MTMR9: variants seen among roughly 807,000 people sequenced by gnomAD.
MTMR9 encodes the protein myotubularin-related protein 9.
A neutral mutation model predicts 69.5 loss-of-function variants in MTMR9; 39 were observed. The ratio of observed to expected loss-of-function variants is 0.56; its 90% CI spans 0.43 to 0.73. MTMR9 has a LOEUF of 0.73. MTMR9 is among the 30% of genes least tolerant of loss of function. The pLI, the probability that MTMR9 is intolerant of heterozygous loss-of-function variation, is 0.00. For missense variants in MTMR9, 900 were observed against 671.2 expected (o/e 1.34, Z -3.77); for synonymous variants, 354 against 240.8 (o/e 1.47, Z -4.35).
In MTMR9 at chr8:11,306,197, T is replaced by C. The variant is rs1366271778; in HGVS notation, c.599T>C (p.Met200Thr). ...GCTTTATTATGCTTCTAGGTAATTATGCGAAGTGGTCAGCCACTCACTGGT... is the reference window on the plus strand; with the variant it reads ...GCTTTATTATGCTTCTAGGTAATTACGCGAAGTGGTCAGCCACTCACTGGT... ...YYHKKNGMVI[M>T]RSGQPLTGTN... The change falls in exon 5 of 10, where the codon ATG becomes ACG. Residue 200 changes from methionine to threonine, a missense_variant. Transcript: ENST00000221086. 1 of 1,612,764 alleles carries C rather than the reference T, an allele frequency of 6.2e-7. No homozygotes were observed. Among genetic ancestry groups the C allele is most frequent in the South Asian group, 1.1e-5 (1 of 91,022 alleles).
At chr8:11,295,333 A>G in intron 2 of MTMR9, 31 bp downstream of exon 2, 1 of 1,205,748 alleles carries the variant, frequency 8.3e-7, no homozygotes. Context: ...ATCTAATGAA[A>G]CATAATTTTA....
rs183259201 is a variant in MTMR9 at position 11,300,388 on chromosome 8, C to G, written c.417+240C>G. The G allele has an allele frequency of 1.5e-3, 454 of 305,364 alleles. 1 individual carries two copies. Among genetic ancestry groups the G allele is most frequent in the African/African-American group, 9.6e-3 (437 of 45,452 alleles). 18.9% of individuals were successfully genotyped at this position (305,364 alleles called of 1,614,324 possible). On this transcript the variant is annotated intron_variant, in intron 3 of 9. Transcript: ENST00000221086. ...TACCCCCAAGTATTTCTAAATTAAA[C>G]AGAACGCTTGTAAATAATCTGCATG...
At chr8:11,330,890 G>A (rs1207480136), downstream of MTMR9, 13 of 1,049,668 alleles carry the variant, frequency 1.2e-5, no homozygotes, top group East Asian at 2.7e-5. Context: ...CCCCCTCTGC[G>A]AGAAACACCC....
At chr8:11,298,717 T>TG in intron 2 of MTMR9, 1 of 811,936 alleles carries the variant, frequency 1.2e-6, no homozygotes, top group Non-Finnish European at 1.4e-6. Context: ...CTTTCCCCGC[T>TG]GCACCCCCCC....
rs147122819 is a variant in MTMR9, at chr8:11,312,286, A to G, written c.971+2598A>G. On this transcript the variant is annotated intron_variant, in intron 6 of 9. Coordinates refer to ENST00000221086, the MANE Select transcript of MTMR9 (RefSeq NM_015458.4). ...TCTGGTCTCAAATTCCTGAGCTCAA[A>G]CAATCCTCCTGCCTCAGCCTCCCAA... 5.5e-4 allele frequency among the ~76,000 whole-genome samples: 84 copies of G among 152,018 alleles called. 1 individual carries two copies. The East Asian group carries it at 0.016, about 28-fold the overall frequency.
chr8:11,294,103 T>C (rs989848587), intron 1 of MTMR9, among the ~76,000 whole-genome samples: 2 of 152,240 alleles, frequency 1.3e-5, no homozygotes, highest in African/African-American at 4.8e-5. Flanking sequence ...TTTGGAATTA[T>C]GTTGTATCAC....
intron 3 of MTMR9, among the ~76,000 whole-genome samples, chr8:11,303,741 C>T (rs1438762604): frequency 6.6e-6 from 1 of 152,024 alleles, no homozygotes. Context: ...GCCATGTTGC[C>T]CTGGCTGGTC....
intron 4 of MTMR9, among the ~76,000 whole-genome samples, 161 bp downstream of exon 4, chr8:11,305,175 G>C (rs1054481964): frequency 6.6e-6 from 1 of 152,140 alleles, no homozygotes; most frequent in Non-Finnish European, 1.5e-5. Flanking sequence ...CAGGAGTAGG[G>C]TGTTTTCTGT....
the MTMR9 span, among the ~76,000 whole-genome samples, chr8:11,336,331 C>T: frequency 6.6e-6 from 1 of 152,184 alleles, no homozygotes; most frequent in Non-Finnish European, 1.5e-5. Context: ...CCTGGGGTGG[C>T]TGGAGAAAGA....
At chr8:11,305,385 C>A (rs1585120855) in intron 4 of MTMR9, among the ~76,000 whole-genome samples, 1 of 152,112 alleles carries the variant, frequency 6.6e-6, no homozygotes, top group African/African-American at 2.4e-5. Flanking sequence ...CAACTTTACA[C>A]GTGAAAGGTG....
downstream of MTMR9, chr8:11,331,535 T>A (rs1297555431): frequency 1.9e-6 from 3 of 1,613,682 alleles, no homozygotes; most frequent in Non-Finnish European, 2.5e-6. Flanking sequence ...TATGCTCCGC[T>A]GTCCTCACCC....
rs541984428 is a variant in MTMR9, at chr8:11,315,318, G to T, written c.1113+254G>T. On this transcript the variant is annotated intron_variant, in intron 7 of 9. Transcript: ENST00000221086. ...TTATCACATACAGGAGAAATACAAA[G>T]AATGGGAAGCATAGTGCAATCTCCC... 2.2e-4 allele frequency among the ~76,000 whole-genome samples: 33 copies of T among 152,288 alleles called. No homozygotes were observed. In the South Asian group the frequency reaches 6.8e-3, roughly 32 times the overall value.
chr8:11,335,876 C>T, the MTMR9 span, among the ~76,000 whole-genome samples: 4 of 152,162 alleles, frequency 2.6e-5, no homozygotes, highest in Admixed American at 1.3e-4. Flanking sequence ...CAACTAATTA[C>T]ATCTGCAATA....
At chr8:11,304,346 T>TA (rs1799860751) in intron 3 of MTMR9, among the ~76,000 whole-genome samples, 1 of 152,220 alleles carries the variant, frequency 6.6e-6, no homozygotes, top group Non-Finnish European at 1.5e-5. Flanking sequence ...TCTGGAGTCG[T>TA]ACAGTCTTAC....
intron 1 of MTMR9, among the ~76,000 whole-genome samples, chr8:11,293,941 T>C (rs1054405316): frequency 2.6e-5 from 4 of 152,228 alleles, no homozygotes; most frequent in Non-Finnish European, 5.9e-5. Context: ...TTAATTACTG[T>C]AGCTTTATAG....
At chr8:11,285,758 C>T (rs138559484) in intron 1 of MTMR9, among the ~76,000 whole-genome samples, 1 of 152,054 alleles carries the variant, frequency 6.6e-6, no homozygotes, top group Admixed American at 6.6e-5. Context: ...GTTAAACTTT[C>T]ATCTGCATTC....
the MTMR9 span, among the ~76,000 whole-genome samples, chr8:11,334,575 C>T: frequency 6.6e-6 from 1 of 151,802 alleles, no homozygotes; most frequent in Non-Finnish European, 1.5e-5. Flanking sequence ...ATAAACTAAG[C>T]ACAAAAGACA....
chr8:11,295,670 G>C (rs1375805973), intron 2 of MTMR9, among the ~76,000 whole-genome samples: 1 of 152,216 alleles, frequency 6.6e-6, no homozygotes, highest in African/African-American at 2.4e-5. Flanking sequence ...AGGTTCTTGG[G>C]AGAAATTTTA....
At position 11,319,771 on chromosome 8, in the gene MTMR9, C is replaced by T. The variant is rs1311089795; in HGVS notation, c.1419C>T (p.Pro473=). The change falls in exon 9 of 10, where the codon CCC becomes CCT. Residue 473 remains proline, a synonymous_variant. Coordinates refer to ENST00000221086, the MANE Select transcript of MTMR9 (RefSeq NM_015458.4). Reference sequence around the variant, plus strand: ...GTGAGCTGAGTAAATTCACCAATCCCCTCTTTGAAGCCAACAACCTTGTCA... The same window carrying T: ...GTGAGCTGAGTAAATTCACCAATCCTCTCTTTGAAGCCAACAACCTTGTCA... The part of the protein sequence containing the change: ...QPSELSKFTN[P]LFEANNLVIW... 8.7e-6 allele frequency: 14 copies of T among 1,614,038 alleles called. No homozygotes were observed. Among genetic ancestry groups the T allele is most frequent in the Non-Finnish European group, 1.1e-5 (13 of 1,180,018 alleles).
Sources: allele counts gnomAD v4.1 joint callset (sites outside exome capture counted in the v4.1 genomes callset), GRCh38; gene constraint gnomAD v4.1.1; transcripts MANE v1.5; gene names NCBI Gene and HGNC (gene_info 2026-07-23, HGNC 2026-07-21).